Variants in NCKAP5 observed in about 807,000 individuals in gnomAD.
NCKAP5 encodes nck-associated protein 5.
In NCKAP5, 92 loss-of-function variants were observed where a neutral mutation model predicts 167.0. The observed-to-expected ratio is 0.55, with a 90% confidence interval of 0.47 to 0.66. The LOEUF is 0.66. Ranked by LOEUF, NCKAP5 falls within the 30% of genes least tolerant of loss-of-function variation. NCKAP5 has a pLI of 0.00. For missense variants in NCKAP5, 2,378 were observed against 2,315.0 expected, an observed-to-expected ratio of 1.03 and a Z score of -0.56; for synonymous variants, 891 against 877.4, an observed-to-expected ratio of 1.02 and a Z score of -0.27.
At chr2:133,614,337 G>T in the NCKAP5 span, among the ~76,000 whole-genome samples, 11 of 152,146 alleles carry the variant, frequency 7.2e-5, no homozygotes, top group Non-Finnish European at 7.3e-5. Flanking sequence ...GGCTTCAGAA[G>T]ATCAAATTAC....
At chr2:132,923,529 T>C (rs2149016733) in intron 8 of NCKAP5, among the ~76,000 whole-genome samples, 1 of 152,340 alleles carries the variant, frequency 6.6e-6, no homozygotes, top group Middle Eastern at 3.4e-3. Context: ...CATTTCTTAA[T>C]GGTACAGTTC....
At chr2:132,963,485 T>A (rs553276516) in intron 8 of NCKAP5, among the ~76,000 whole-genome samples, 8 of 152,322 alleles carry the variant, frequency 5.3e-5, no homozygotes, top group African/African-American at 1.9e-4. Context: ...AGGGCTGAAT[T>A]TAAGTTAAAA....
At chr2:133,464,333 G>A (rs1345550414) in intron 3 of NCKAP5, among the ~76,000 whole-genome samples, 2 of 152,156 alleles carry the variant, frequency 1.3e-5, no homozygotes, top group Non-Finnish European at 2.9e-5. Context: ...CTTGAGGATA[G>A]AAATGGCACC....
intron 4 of NCKAP5, among the ~76,000 whole-genome samples, chr2:133,255,905 T>C (rs1477950580): frequency 6.6e-6 from 1 of 152,198 alleles, no homozygotes; most frequent in Non-Finnish European, 1.5e-5. Context: ...CTCATAAGTA[T>C]GAACTGACAG....
the NCKAP5 span, among the ~76,000 whole-genome samples, chr2:133,588,850 C>T: frequency 1.3e-5 from 2 of 152,022 alleles, no homozygotes; most frequent in Non-Finnish European, 2.9e-5. Flanking sequence ...ACAAATGTTC[C>T]AGGCAAAGGG....
At chr2:133,492,105 C>T (rs997374458) in intron 3 of NCKAP5, among the ~76,000 whole-genome samples, 10 of 138,462 alleles carry the variant, frequency 7.2e-5, no homozygotes, top group Non-Finnish European at 1.4e-4. Flanking sequence ...ATCCTGCCCC[C>T]AATCCCTGCT....
chr2:133,425,968 C>A (rs183742849), intron 3 of NCKAP5, among the ~76,000 whole-genome samples: 67 of 152,178 alleles, frequency 4.4e-4, no homozygotes, highest in African/African-American at 1.1e-3. Flanking sequence ...GTCTTCTAAC[C>A]AAACCAAGGA....
intron 11 of NCKAP5, among the ~76,000 whole-genome samples, chr2:132,805,745 AAATTT>A (rs1428546088): frequency 6.6e-6 from 1 of 151,668 alleles, no homozygotes; most frequent in Non-Finnish European, 1.5e-5. Context: ...TATTTTTAAA[AAATTT>A]AATTTAATTT....
intron 4 of NCKAP5, among the ~76,000 whole-genome samples, chr2:133,221,111 A>C (rs2086644869): frequency 6.6e-6 from 1 of 151,156 alleles, no homozygotes; most frequent in Non-Finnish European, 1.5e-5. Context: ...CTGTGAGTTG[A>C]TGAACATGCA....
chr2:133,249,998 T>TTTATTA (rs10685479), intron 4 of NCKAP5, among the ~76,000 whole-genome samples: 8,957 of 138,120 alleles, frequency 0.065, 385 homozygotes, highest in African/African-American at 0.11. Context: ...CACCAAGGGT[T>TTTATTA]TTATTATTAT....
chr2:133,160,408 CT>C (rs59557631), intron 5 of NCKAP5, among the ~76,000 whole-genome samples: 12 of 121,142 alleles, frequency 9.9e-5, no homozygotes, highest in African/African-American at 3.3e-4. Context: ...AGGTCACATT[CT>C]TTTTTTTTTT....
intron 13 of NCKAP5, among the ~76,000 whole-genome samples, chr2:132,788,560 T>C (rs768380723): frequency 6.6e-6 from 1 of 152,186 alleles, no homozygotes; most frequent in Non-Finnish European, 1.5e-5. Flanking sequence ...ATGGGGAGAA[T>C]AGGAGAGCCT....
intron 3 of NCKAP5, among the ~76,000 whole-genome samples, chr2:133,352,388 C>G (rs1383971761): frequency 6.6e-6 from 1 of 152,188 alleles, no homozygotes; most frequent in Admixed American, 6.5e-5. Flanking sequence ...TGAATGAATA[C>G]ACAAAAGAAT....
intron 7 of NCKAP5, among the ~76,000 whole-genome samples, chr2:132,990,233 T>A (rs530086896): frequency 8.5e-4 from 130 of 152,296 alleles, no homozygotes; most frequent in South Asian, 2.5e-3. Context: ...TCATGACACA[T>A]TCCTTTGTGC....
intron 19 of NCKAP5, among the ~76,000 whole-genome samples, chr2:132,716,146 G>A (rs1393491885): frequency 6.6e-6 from 1 of 152,130 alleles, no homozygotes; most frequent in Non-Finnish European, 1.5e-5. Context: ...AGGCACAATT[G>A]CACTGGTGAG....
chr2:132,816,195 T>A (rs1341563364), intron 11 of NCKAP5, among the ~76,000 whole-genome samples: 2 of 152,138 alleles, frequency 1.3e-5, no homozygotes, highest in African/African-American at 2.4e-5. Context: ...GCTTGAAGAC[T>A]GCTAGCTGTT....
chr2:132,801,430 T>G (rs1179374458), intron 11 of NCKAP5, among the ~76,000 whole-genome samples: 2 of 152,152 alleles, frequency 1.3e-5, no homozygotes, highest in Non-Finnish European at 2.9e-5. Context: ...TGTACATAGG[T>G]GCACACACAT....
intron 6 of NCKAP5, among the ~76,000 whole-genome samples, chr2:133,055,647 G>C (rs2149497306): frequency 6.6e-6 from 1 of 152,188 alleles, no homozygotes; most frequent in East Asian, 1.9e-4. Flanking sequence ...TTTAAGCTCT[G>C]AAATGCACAC....
At chr2:132,847,077 C>G (rs1369215222) in intron 11 of NCKAP5, among the ~76,000 whole-genome samples, 4 of 151,898 alleles carry the variant, frequency 2.6e-5, no homozygotes, top group Non-Finnish European at 5.9e-5. Context: ...GGAAATGGGC[C>G]ATATTTATAT....
Sources: gnomAD v4.1 joint callset for allele counts (sites outside exome capture counted in the v4.1 genomes callset) on GRCh38, gnomAD v4.1.1 for gene constraint, MANE v1.5 for transcripts, NCBI Gene and HGNC (gene_info 2026-07-23, HGNC 2026-07-21) for gene names.